Variants in TPM4 observed in about 807,000 individuals in gnomAD.
TPM4 encodes tropomyosin alpha-4 chain.
Under a neutral mutation model 35.8 loss-of-function variants are expected in TPM4, and 17 were observed. That is an observed-to-expected ratio of 0.47 (90% CI 0.32 to 0.71). TPM4 has a LOEUF of 0.71. Ranked by LOEUF, TPM4 falls within the 30% of genes least tolerant of loss-of-function variation. TPM4 has a pLI of 0.03. For synonymous variants in TPM4, 120 were observed against 122.9 expected, an observed-to-expected ratio of 0.98 and a Z score of 0.15; for missense variants, 240 against 320.9, an observed-to-expected ratio of 0.75 and a Z score of 1.93.
At chr19:16,085,958 A>G (rs1429106992) in intron 2 of TPM4, among the ~76,000 whole-genome samples, 1 of 150,642 alleles carries the variant, frequency 6.6e-6, no homozygotes, top group Non-Finnish European at 1.5e-5. Flanking sequence ...AGTCCCGGCT[A>G]TGCTGGAGGC....
At chr19:16,082,620 A>G (rs996415110) in intron 2 of TPM4, among the ~76,000 whole-genome samples, 11 of 152,242 alleles carry the variant, frequency 7.2e-5, no homozygotes, top group Non-Finnish European at 1.3e-4. Context: ...ATGACTGTCC[A>G]TGGTGGTCAG....
At chr19:16,073,795 G>A (rs567321488), upstream of TPM4, among the ~76,000 whole-genome samples, 18 of 151,946 alleles carry the variant, frequency 1.2e-4, no homozygotes, top group African/African-American at 3.9e-4. Context: ...CCAGCAGGCC[G>A]CAAGATGGGA....
chr19:16,098,733 G>C (rs1332684619), intron 7 of TPM4, among the ~76,000 whole-genome samples: 2 of 151,850 alleles, frequency 1.3e-5, no homozygotes, highest in African/African-American at 2.4e-5. Context: ...TTGAGCTCAG[G>C]AGTTTGAGAC....
chr19:16,068,850 T>TA (rs2090324518), intron 2 of TPM4, among the ~76,000 whole-genome samples: 1 of 152,204 alleles, frequency 6.6e-6, no homozygotes, highest in Non-Finnish European at 1.5e-5. Context: ...TACATGCACA[T>TA]ATGTTTCAGC....
rs1444309257 is a variant in TPM4 at position 16,070,727 on chromosome 19, C to T, written c.114+2989C>T. ...AATGTAGGTTGATTTCCTGCCCCGC[C>T]CTACTTCCCCTTTGGGCCTCCCCAG... On this transcript the variant is annotated intron_variant, in intron 2 of 2. Coordinates refer to the TPM4 transcript ENST00000589897. The surrounding 1 kb of genome is among the most constrained non-coding windows in gnomAD (Gnocchi z 7.4). 6.6e-6 allele frequency among the ~76,000 whole-genome samples: 1 copy of T among 152,154 alleles called. No individual in the cohort carries two copies. Among genetic ancestry groups the T allele is most frequent in the Non-Finnish European group, 1.5e-5 (1 of 68,014 alleles).
In TPM4 at chr19:16,093,760, G is replaced by A. The variant is rs182328892; in HGVS notation, c.664+7G>A. 1,758 of 1,613,050 alleles carry A rather than the reference G, an allele frequency of 1.1e-3. 1 individual carries two copies. Among genetic ancestry groups the A allele is most frequent in the Non-Finnish European group, 1.4e-3 (1,702 of 1,180,002 alleles). ...ACAATTGATGACCTGGAAGGTATGAGGTTACCATCTAAATGTTTGCCTTGC... is the reference window on the plus strand; with the variant it reads ...ACAATTGATGACCTGGAAGGTATGAAGTTACCATCTAAATGTTTGCCTTGC... On this transcript the variant is annotated splice_region_variant and intron_variant, in intron 7 of 7. Transcript: ENST00000643579.
At chr19:16,097,778 C>T (rs2090717894) in intron 7 of TPM4, among the ~76,000 whole-genome samples, 2 of 152,212 alleles carry the variant, frequency 1.3e-5, no homozygotes. Flanking sequence ...CCTGAATTTT[C>T]GGTATCCATT....
chr19:16,071,055 C>T (rs918930533), intron 2 of TPM4, among the ~76,000 whole-genome samples: 11 of 152,208 alleles, frequency 7.2e-5, no homozygotes, highest in African/African-American at 2.7e-4. Context: ...CAGCCAGCTG[C>T]GTGGCCAAGG....
At chr19:16,085,467 G>A (rs184526978) in intron 2 of TPM4, among the ~76,000 whole-genome samples, 3 of 152,106 alleles carry the variant, frequency 2.0e-5, no homozygotes, top group East Asian at 1.9e-4. Context: ...TCAGGAGGCC[G>A]AGGCAACAGG....
chr19:16,093,877 C>A, intron 7 of TPM4, 124 bp downstream of exon 7: 1 of 973,500 alleles, frequency 1.0e-6, no homozygotes, highest in South Asian at 1.5e-5. Flanking sequence ...GAAAGTAAAG[C>A]GCATAGTGAT....
rs751550419 is a variant in TPM4, at chr19:16,081,995, C to T, written c.215C>T (p.Thr72Met). 2.1e-5 allele frequency: 34 copies of T among 1,610,670 alleles called. No homozygotes were observed. Among genetic ancestry groups the T allele is most frequent in the Middle Eastern group, 1.7e-4 (1 of 6,036 alleles). ...ELDRAQERLATALQKLEEAEK... is the reference protein window; with the variant it reads ...ELDRAQERLAMALQKLEEAEK... The stretch of plus-strand genomic sequence containing the variant: ...GACAGGGCTCAGGAACGACTGGCCA[C>T]GGCCCTGCAGAAGCTGGAGGAGGCA... Residue 72 changes from threonine (T) to methionine (M), a missense_variant, in exon 2 of 8, where the codon ACG (threonine) becomes ATG (methionine). By Grantham distance (81) the Thr-to-Met change is moderately conservative. Coordinates refer to ENST00000643579, the MANE Select transcript of TPM4 (RefSeq NM_003290.3).
intron 7 of TPM4, among the ~76,000 whole-genome samples, chr19:16,098,446 C>CAA (rs143342456): frequency 1.3e-5 from 2 of 148,528 alleles, no homozygotes; most frequent in Admixed American, 6.7e-5. Flanking sequence ...GACTCCGCCT[C>CAA]AAAAAAAAAG....
intron 1 of TPM4, among the ~76,000 whole-genome samples, chr19:16,078,510 A>G (rs8105102): frequency 0.14 from 20,622 of 152,186 alleles, 1,638 homozygotes; most frequent in African/African-American, 0.22. Flanking sequence ...GCTTTGGCCC[A>G]AGAGGCCTTA....
rs181779158 is a variant in TPM4, at chr19:16,089,166, C to A, written c.531+46C>A. On this transcript the variant is annotated intron_variant, in intron 5 of 7. Coordinates refer to ENST00000643579, the MANE Select transcript of TPM4 (RefSeq NM_003290.3). ...GGAGGGTGGCTTGCTGGACTTTGTT[C>A]TTTTCTTCTCCCGAGGGATGCAGGA... is the stretch of plus-strand genomic sequence containing the variant. 2.5e-6 allele frequency: 4 copies of A among 1,610,252 alleles called. No homozygotes were observed. In the East Asian group the frequency reaches 6.7e-5, roughly 27 times the overall value.
chr19:16,099,306 T>A (rs1488405208), intron 7 of TPM4, among the ~76,000 whole-genome samples: 2 of 148,468 alleles, frequency 1.3e-5, no homozygotes, highest in Non-Finnish European at 3.0e-5. Flanking sequence ...GGTCTCGAAC[T>A]CCTTACATCA....
intron 7 of TPM4, among the ~76,000 whole-genome samples, chr19:16,097,220 C>T (rs2090711865): frequency 6.6e-6 from 1 of 151,652 alleles, no homozygotes; most frequent in Non-Finnish European, 1.5e-5. Flanking sequence ...TCCAAAAATG[C>T]TGGGATTACA....
chr19:16,095,414 G>C, intron 7 of TPM4: 1 of 1,030,912 alleles, frequency 9.7e-7, no homozygotes, highest in Non-Finnish European at 1.2e-6. Context: ...GGGCTTCTAG[G>C]AGCTCCGGTG....
chr19:16,088,079 G>T lies in TPM4; in HGVS notation c.437G>T (p.Arg146Leu), dbSNP rs538902086. Reference sequence around the variant, plus strand: ...GGTGAGCTGGAGAGGGCAGAGGAGCGTGCGGAGGTGTCTGAACTGTGAGTG... The same window carrying T: ...GGTGAGCTGGAGAGGGCAGAGGAGCTTGCGGAGGTGTCTGAACTGTGAGTG... ...LEGELERAEERAEVSELKCGD... is the reference protein window; with the variant it reads ...LEGELERAEELAEVSELKCGD... Residue 146 changes from arginine to leucine, a missense_variant, in exon 4 of 8, where the codon CGT becomes CTT. Coordinates refer to ENST00000643579, the MANE Select transcript of TPM4 (RefSeq NM_003290.3). 103 of 1,611,966 alleles carry T rather than the reference G, an allele frequency of 6.4e-5. No individual in the cohort carries two copies. The highest frequency in any genetic ancestry group is 8.1e-5 in the Non-Finnish European group (96 of 1,179,418).
chr19:16,076,333 A>G, upstream of TPM4: 2 of 1,487,090 alleles, frequency 1.3e-6, no homozygotes, highest in Non-Finnish European at 1.8e-6. Flanking sequence ...ACTTTCCAGC[A>G]GCTGTGGCCA....
Sources: gnomAD v4.1 joint callset for allele counts (sites outside exome capture counted in the v4.1 genomes callset) on GRCh38, gnomAD v4.1.1 for gene constraint, Gnocchi (gnomAD v3.1) non-coding constraint, MANE v1.5 for transcripts, NCBI Gene and HGNC (gene_info 2026-07-23, HGNC 2026-07-21) for gene names.